The following AMN1 variants were observed in gnomAD, a reference collection of about 807,000 sequenced individuals.
AMN1 encodes protein AMN1 homolog.
Under a neutral mutation model 33.0 loss-of-function variants are expected in AMN1, and 20 were observed. The observed-to-expected ratio is 0.61, with a 90% confidence interval of 0.43 to 0.88. The LOEUF (loss-of-function observed/expected upper bound fraction) is 0.88, where lower values mean the gene tolerates loss of function less well. Among genes scored for constraint, AMN1 ranks in the 40% least tolerant of loss-of-function variants. AMN1 has a pLI of 0.00. For missense variants in AMN1, 246 were observed against 307.4 expected, an observed-to-expected ratio of 0.80 and a Z score of 1.49; for synonymous variants, 114 against 111.9, an observed-to-expected ratio of 1.02 and a Z score of -0.12.
intron 1 of AMN1, among the ~76,000 whole-genome samples, chr12:31,721,517 C>G: frequency 6.6e-6 from 1 of 152,194 alleles, no homozygotes; most frequent in African/African-American, 2.4e-5. Flanking sequence ...GCTCCTTGGT[C>G]TCTGATCCCT....
intron 3 of AMN1, among the ~76,000 whole-genome samples, chr12:31,701,656 C>T (rs575677615): frequency 2.6e-5 from 4 of 152,126 alleles, no homozygotes; most frequent in African/African-American, 4.8e-5. Context: ...GTGACTTACC[C>T]AGTGTCTTTC....
intron 6 of AMN1, among the ~76,000 whole-genome samples, chr12:31,681,957 A>G (rs924686206): frequency 6.6e-6 from 1 of 152,166 alleles, no homozygotes; most frequent in African/African-American, 2.4e-5. Flanking sequence ...GATTACAGGC[A>G]TGAGCCACCG....
intron 1 of AMN1, among the ~76,000 whole-genome samples, chr12:31,711,082 G>A (rs971930532): frequency 1.6e-4 from 24 of 152,112 alleles, no homozygotes; most frequent in African/African-American, 5.8e-4. Context: ...GCTAATTTTT[G>A]TATTTTTAAT....
intron 1 of AMN1, among the ~76,000 whole-genome samples, chr12:31,726,606 C>T (rs1429392450): frequency 1.3e-5 from 2 of 152,238 alleles, no homozygotes; most frequent in Admixed American, 6.5e-5. Flanking sequence ...AAACCAAGCC[C>T]TGTTTCCTTC....
intron 1 of AMN1, among the ~76,000 whole-genome samples, chr12:31,723,509 A>C (rs1939952417): frequency 6.6e-6 from 1 of 152,114 alleles, no homozygotes; most frequent in Non-Finnish European, 1.5e-5. Context: ...ACAGGGTTTC[A>C]CCATGTTAGC....
At chr12:31,727,864 C>T (rs1940141705) in intron 1 of AMN1, among the ~76,000 whole-genome samples, 1 of 152,196 alleles carries the variant, frequency 6.6e-6, no homozygotes, top group Admixed American at 6.5e-5. Flanking sequence ...TCCAGAGTAG[C>T]TGGGACTACC....
At chr12:31,719,648 G>C (rs911710417) in intron 1 of AMN1, among the ~76,000 whole-genome samples, 19 of 152,158 alleles carry the variant, frequency 1.2e-4, no homozygotes, top group Non-Finnish European at 2.5e-4. Context: ...CAAACATTGA[G>C]AGTAGGCATG....
rs74085166 is a variant in AMN1, at chr12:31,706,788, C to T, written c.171+2505G>A. ...ACCCCCTATGTCAGCTTAGTAGGGC[C>T]GAAACAGACTTGGGTCTGGCCTCCT... On this transcript the variant is annotated intron_variant, in intron 2 of 6. Coordinates refer to ENST00000281471, the MANE Select transcript of AMN1 (RefSeq NM_001113402.2). Among the ~76,000 whole-genome samples, 1,271 of 152,184 alleles carry T rather than the reference C, an allele frequency of 8.4e-3. 18 individuals are homozygous for T. The highest frequency in any genetic ancestry group is 0.029 in the African/African-American group (1,196 of 41,512).
At chr12:31,717,766 C>G (rs1939732417) in intron 1 of AMN1, among the ~76,000 whole-genome samples, 1 of 151,708 alleles carries the variant, frequency 6.6e-6, no homozygotes, top group Admixed American at 6.6e-5. Context: ...AGGTTTGTTA[C>G]ATAGGTATAC....
intron 1 of AMN1, among the ~76,000 whole-genome samples, chr12:31,720,542 A>G (rs1939844504): frequency 6.8e-6 from 1 of 147,524 alleles, no homozygotes; most frequent in Non-Finnish European, 1.5e-5. Flanking sequence ...CTCTGTCTCA[A>G]AAAAAAAAAA....
At chr12:31,673,633 G>T in intron 6 of AMN1, 1 of 440,794 alleles carries the variant, frequency 2.3e-6, no homozygotes, top group South Asian at 1.6e-5. Flanking sequence ...TGAGGCCAGT[G>T]TTACCCTGAT....
chr12:31,672,112 A>G lies in AMN1; in HGVS notation c.*192T>C. On this transcript the variant is annotated 3_prime_UTR_variant, in exon 7 of 7. Coordinates refer to ENST00000281471, the MANE Select transcript of AMN1 (RefSeq NM_001113402.2). ...AACAGATATAGAATAATAGCACTTTAAAGATGTTTAAGAGTAAAGCACAAA... is the reference window on the plus strand; with the variant it reads ...AACAGATATAGAATAATAGCACTTTGAAGATGTTTAAGAGTAAAGCACAAA... 2.0e-6 allele frequency: 1 copy of G among 508,718 alleles called. No individual in the cohort carries two copies. Among genetic ancestry groups the G allele is most frequent in the Non-Finnish European group, 3.5e-6 (1 of 285,338 alleles). 31.5% of individuals were successfully genotyped at this position (508,718 alleles called of 1,614,324 possible).
At chr12:31,728,914 G>A (rs1940193354) in intron 1 of AMN1, 57 bp downstream of exon 1, 5 of 1,524,696 alleles carry the variant, frequency 3.3e-6, no homozygotes, top group Middle Eastern at 2.2e-4. Flanking sequence ...GCAGGGCCTG[G>A]CCGTTTGGAG....
At chr12:31,691,206 CT>C (rs2139676377) in intron 5 of AMN1, among the ~76,000 whole-genome samples, 1 of 150,716 alleles carries the variant, frequency 6.6e-6, no homozygotes, top group South Asian at 2.1e-4. Flanking sequence ...AAACACTATG[CT>C]AAGTGAAGGA....
At chr12:31,678,286 C>T (rs1937829340) in intron 6 of AMN1, among the ~76,000 whole-genome samples, 1 of 152,088 alleles carries the variant, frequency 6.6e-6, no homozygotes, top group African/African-American at 2.4e-5. Context: ...AACTGTTGAC[C>T]ACCTCTGTAA....
At chr12:31,695,231 T>C (rs563911940) in intron 5 of AMN1, among the ~76,000 whole-genome samples, 1 of 152,292 alleles carries the variant, frequency 6.6e-6, no homozygotes, top group African/African-American at 2.4e-5. Flanking sequence ...AACTAATTTC[T>C]TGGTGGTTTT....
At chr12:31,719,954 C>T (rs1183252946) in intron 1 of AMN1, among the ~76,000 whole-genome samples, 4 of 152,042 alleles carry the variant, frequency 2.6e-5, no homozygotes, top group Admixed American at 6.5e-5. Context: ...CAGTTCATTT[C>T]GTTCTCAATA....
chr12:31,712,408 C>T (rs1274541464), intron 1 of AMN1, among the ~76,000 whole-genome samples: 18 of 152,054 alleles, frequency 1.2e-4, no homozygotes, highest in East Asian at 5.8e-4. Context: ...CCACCACGCC[C>T]GGCTAATTTT....
At position 31,671,281 on chromosome 12, in the gene AMN1, A is replaced by AT. The variant is rs1171488922; in HGVS notation, c.*1022dup. 6.6e-6 allele frequency: 1 copy of AT among 152,210 alleles called. No individual in the cohort carries two copies. The highest frequency in any genetic ancestry group is 1.5e-5 in the Non-Finnish European group (1 of 68,022). 9.4% of individuals were successfully genotyped at this position (152,210 alleles called of 1,614,324 possible). ...CAACATATATATCCACACTATAAAC[A>AT]TACCACATTTATAAATCTTGTAAGG... On this transcript the variant is annotated 3_prime_UTR_variant, in exon 7 of 7. Coordinates refer to ENST00000281471, the MANE Select transcript of AMN1 (RefSeq NM_001113402.2).
Sources: gnomAD v4.1 joint callset for allele counts (sites outside exome capture counted in the v4.1 genomes callset) on GRCh38, gnomAD v4.1.1 for gene constraint, MANE v1.5 for transcripts, NCBI Gene and HGNC (gene_info 2026-07-23, HGNC 2026-07-21) for gene names.